KAT2B: variants seen among roughly 807,000 people sequenced by gnomAD.
KAT2B encodes the protein lysine acetyltransferase 2B, also known as histone acetyltransferase KAT2B.
A neutral mutation model predicts 105.9 loss-of-function variants in KAT2B; 36 were observed. The ratio of observed to expected loss-of-function variants is 0.34; its 90% CI spans 0.26 to 0.45. The LOEUF (loss-of-function observed/expected upper bound fraction) is 0.45, where lower values mean the gene tolerates loss of function less well. Among genes scored for constraint, KAT2B ranks in the 20% least tolerant of loss-of-function variants. KAT2B has a pLI of 1.00. For synonymous variants in KAT2B, 397 were observed against 377.9 expected (o/e 1.05, Z -0.59); for missense variants, 820 against 1,021.6 (o/e 0.80, Z 2.69).
rs999941100 is a variant in KAT2B at position 20,153,077 on chromosome 3, C to G, written c.*552C>G. On this transcript the variant is annotated 3_prime_UTR_variant, in exon 18 of 18. Transcript: ENST00000263754. ...ACTCATCTAGATGAGGTGCTTTGAG[C>G]AGTTCTGAAAAATGCAGTTCCAGGA... 4.6e-5 allele frequency: 7 copies of G among 152,460 alleles called. No individual in the cohort carries two copies. Among genetic ancestry groups the G allele is most frequent in the African/African-American group, 1.7e-4 (7 of 41,418 alleles). The allele number at this position is 152,460 out of a possible 1,614,324, so 9.4% of individuals were successfully genotyped here.
intron 1 of KAT2B, among the ~76,000 whole-genome samples, chr3:20,054,416 G>T (rs527551396): frequency 6.6e-6 from 1 of 152,274 alleles, no homozygotes; most frequent in South Asian, 2.1e-4. Flanking sequence ...CAGATGTGAA[G>T]GAGATGGATG....
In KAT2B at chr3:20,119,710, T is replaced by G. The variant is rs1376671933; in HGVS notation, c.1263T>G (p.Leu421=). 6.2e-7 allele frequency: 1 copy of G among 1,614,052 alleles called. No individual in the cohort carries two copies. The highest frequency in any genetic ancestry group is 1.3e-5 in the African/African-American group (1 of 75,038). The part of the protein sequence containing the change: ...SSPACKASSG[L]EANPGEKRKM... The stretch of plus-strand genomic sequence containing the variant: ...CTGCCTGCAAAGCCTCTTCTGGACT[T>G]GAGGCAAACCCAGGTAAGCTCTTAA... Residue 421 remains leucine, a synonymous_variant, in exon 8 of 18, where the codon CTT becomes CTG. Coordinates refer to ENST00000263754, the MANE Select transcript of KAT2B (RefSeq NM_003884.5).
At chr3:20,082,557 T>G (rs1392419497) in intron 2 of KAT2B, among the ~76,000 whole-genome samples, 1 of 152,238 alleles carries the variant, frequency 6.6e-6, no homozygotes, top group South Asian at 2.1e-4. Flanking sequence ...TTCCTCAGCA[T>G]TTTATTTTAT....
intron 2 of KAT2B, among the ~76,000 whole-genome samples, chr3:20,094,599 G>A (rs1365757113): frequency 6.6e-6 from 1 of 152,174 alleles, no homozygotes; most frequent in East Asian, 1.9e-4. Flanking sequence ...TCAATGGACA[G>A]GTCACAAAAC....
In KAT2B at chr3:20,111,576, C is replaced by G. The variant is rs905907852; in HGVS notation, c.852-20C>G. 6.3e-7 allele frequency: 1 copy of G among 1,593,634 alleles called. No homozygotes were observed. Among genetic ancestry groups the G allele is most frequent in the African/African-American group, 1.3e-5 (1 of 74,184 alleles). ...GGGGGTTTATGGGATATTGATGGTG[C>G]TTGACTTCTCTTGTCACAGGTGGCT... On this transcript the variant is annotated intron_variant, in intron 5 of 17. Transcript: ENST00000263754.
At chr3:20,119,438 C>T (rs1699267396) in intron 7 of KAT2B, among the ~76,000 whole-genome samples, 160 bp from the exon 8 acceptor site, 1 of 152,032 alleles carries the variant, frequency 6.6e-6, no homozygotes, top group Non-Finnish European at 1.5e-5. Flanking sequence ...GTTATAGTCC[C>T]TGCTGTCTTT....
At chr3:20,072,885 T>C (rs924363760) in intron 2 of KAT2B, among the ~76,000 whole-genome samples, 10 of 152,294 alleles carry the variant, frequency 6.6e-5, no homozygotes, top group African/African-American at 1.9e-4. Context: ...TCTGGGGTGC[T>C]TCATTTTATC....
chr3:20,084,981 A>G (rs939279942), intron 2 of KAT2B, among the ~76,000 whole-genome samples: 1 of 152,228 alleles, frequency 6.6e-6, no homozygotes, highest in Non-Finnish European at 1.5e-5. Flanking sequence ...GTTTCATATT[A>G]TGGAGCATCT....
intron 3 of KAT2B, among the ~76,000 whole-genome samples, chr3:20,097,110 C>T (rs1157852498): frequency 6.6e-6 from 1 of 152,042 alleles, no homozygotes; most frequent in Non-Finnish European, 1.5e-5. Flanking sequence ...CGAACCCTGG[C>T]AGGTTCATAG....
intron 11 of KAT2B, among the ~76,000 whole-genome samples, chr3:20,136,699 T>C (rs904309308): frequency 6.6e-6 from 1 of 152,216 alleles, no homozygotes; most frequent in African/African-American, 2.4e-5. Flanking sequence ...ACTAGAAACT[T>C]ACATTTTCAA....
chr3:20,127,194 G>T (rs1699420738), intron 10 of KAT2B, among the ~76,000 whole-genome samples: 1 of 152,098 alleles, frequency 6.6e-6, no homozygotes, highest in Admixed American at 6.5e-5. Context: ...CTTCTTAGGT[G>T]ACTGGTATTT....
In KAT2B at chr3:20,146,361, G is replaced by C; in HGVS notation, c.2050G>C (p.Val684Leu). 1 of 1,613,378 alleles carries C rather than the reference G, an allele frequency of 6.2e-7. No individual in the cohort carries two copies. The highest frequency in any genetic ancestry group is 8.5e-7 in the Non-Finnish European group (1 of 1,179,524). ...AAGAAAACAGGCACAAATTCGAAAA[G>C]TTTACCCTGGACTTTCATGTTTTAA... ...IERKQAQIRK[V>L]YPGLSCFKDG... Residue 684 changes from valine to leucine, a missense_variant, in exon 14 of 18, where the codon GTT (valine) becomes CTT (leucine). Coordinates refer to ENST00000263754, the MANE Select transcript of KAT2B (RefSeq NM_003884.5).
At position 20,115,784 on chromosome 3, in the gene KAT2B, A is replaced by G. The variant is rs183144836; in HGVS notation, c.1150+796A>G. ...TTCTCTATAGTGCATTCATAGTCCT[A>G]CCTCCAGCTCTGGGAACCAGTGATC... On this transcript the variant is annotated intron_variant, in intron 7 of 17. Transcript: ENST00000263754. Among the ~76,000 whole-genome samples the G allele has an allele frequency of 8.5e-5, 13 of 152,248 alleles. 1 individual carries two copies. Among genetic ancestry groups the G allele is most frequent in the Admixed American group, 7.9e-4 (12 of 15,260 alleles).
At chr3:20,072,224 G>T in intron 1 of KAT2B, 109 bp from the exon 2 acceptor site, 1 of 1,137,384 alleles carries the variant, frequency 8.8e-7, no homozygotes. Flanking sequence ...ACAAAGTCAG[G>T]GGTGAGGGGA....
At chr3:20,108,463 C>T (rs1340125687) in intron 5 of KAT2B, among the ~76,000 whole-genome samples, 1 of 152,174 alleles carries the variant, frequency 6.6e-6, no homozygotes, top group Non-Finnish European at 1.5e-5. Flanking sequence ...TTAGGATCTG[C>T]ATAACAACAT....
intron 2 of KAT2B, among the ~76,000 whole-genome samples, chr3:20,077,321 A>G (rs1559303611): frequency 6.6e-6 from 1 of 152,158 alleles, no homozygotes; most frequent in Non-Finnish European, 1.5e-5. Flanking sequence ...GTAGCCTGGG[A>G]GACAGAGCAA....
intron 2 of KAT2B, among the ~76,000 whole-genome samples, chr3:20,081,878 C>CATATGT (rs1698525532): frequency 7.1e-6 from 1 of 140,504 alleles, no homozygotes; most frequent in Non-Finnish European, 1.5e-5. Context: ...GTCATTGGCT[C>CATATGT]ATATATATAT....
At chr3:20,096,600 A>G (rs1431808846) in intron 3 of KAT2B, among the ~76,000 whole-genome samples, 1 of 152,224 alleles carries the variant, frequency 6.6e-6, no homozygotes, top group African/African-American at 2.4e-5. Context: ...AATAAGAAGC[A>G]CTGTGCTTCA....
chr3:20,126,071 C>G lies in KAT2B; in HGVS notation c.1580C>G (p.Pro527Arg). ...GLQNVFSHQLPRMPKEYITRL... is the reference protein window; with the variant it reads ...GLQNVFSHQLRRMPKEYITRL... ...CAGAACGTTTTCTCCCACCAGCTGC[C>G]CCGAATGCCAAAAGAATACATCACA... The change falls in exon 10 of 18, where the codon CCC (proline) becomes CGC (arginine). Residue 527 changes from proline to arginine, a missense_variant. Coordinates refer to ENST00000263754, the MANE Select transcript of KAT2B (RefSeq NM_003884.5). 2 of 1,612,910 alleles carry G rather than the reference C, an allele frequency of 1.2e-6. No homozygotes were observed. The highest frequency in any genetic ancestry group is 1.7e-6 in the Non-Finnish European group (2 of 1,179,408).
Sources: allele counts gnomAD v4.1 joint callset (sites outside exome capture counted in the v4.1 genomes callset), GRCh38; gene constraint gnomAD v4.1.1; transcripts MANE v1.5; gene names NCBI Gene and HGNC (gene_info 2026-07-23, HGNC 2026-07-21).